The following STYXL1 variants were observed in gnomAD, a reference collection of about 807,000 sequenced individuals.
STYXL1 encodes the protein serine/threonine/tyrosine interacting like 1, also known as serine/threonine/tyrosine-interacting-like protein 1.
A neutral mutation model predicts 36.4 loss-of-function variants in STYXL1; 32 were observed. The ratio of observed to expected loss-of-function variants is 0.88; its 90% CI spans 0.66 to 1.18. STYXL1 has a LOEUF of 1.18. STYXL1 is among the 50% of genes most tolerant of loss of function. The pLI is 0.00. For synonymous variants in STYXL1, 133 were observed against 144.1 expected, an observed-to-expected ratio of 0.92 and a Z score of 0.55; for missense variants, 354 against 394.1, an observed-to-expected ratio of 0.90 and a Z score of 0.86.
chr7:76,008,811 G>A (rs1028719549), intron 5 of STYXL1, among the ~76,000 whole-genome samples: 5 of 152,086 alleles, frequency 3.3e-5, no homozygotes, highest in African/African-American at 9.7e-5. Flanking sequence ...TTCAAGACCA[G>A]CCTGGCCAAC....
chr7:76,000,820 C>T (rs1269273491), intron 8 of STYXL1, 70 bp downstream of exon 8: 21 of 1,412,026 alleles, frequency 1.5e-5, no homozygotes, highest in Admixed American at 3.4e-5. Context: ...CCCCACTCCT[C>T]CCAGGTTGCG....
intron 4 of STYXL1, among the ~76,000 whole-genome samples, chr7:76,019,695 G>T (rs185183534): frequency 2.6e-5 from 4 of 152,134 alleles, no homozygotes; most frequent in Admixed American, 2.6e-4. Flanking sequence ...ACCTATCTGA[G>T]AGATGGCATT....
chr7:76,025,378 G>T (rs62475307), intron 3 of STYXL1, among the ~76,000 whole-genome samples: 41,358 of 152,066 alleles, frequency 0.27, 6,029 homozygotes, highest in Middle Eastern at 0.45. Flanking sequence ...GCCCAGAGCA[G>T]GAGGTGCTGC....
chr7:76,044,531 G>A (rs1478686926), intron 1 of STYXL1: 1 of 152,074 alleles, frequency 6.6e-6, no homozygotes, highest in African/African-American at 2.4e-5. Flanking sequence ...CCTCTTCTGT[G>A]GAGATGAGGA....
intron 3 of STYXL1, among the ~76,000 whole-genome samples, chr7:76,024,439 C>T (rs1271039271): frequency 6.6e-6 from 1 of 151,652 alleles, no homozygotes; most frequent in African/African-American, 2.4e-5. Context: ...GGTAACATAG[C>T]GAGACCCCAT....
chr7:76,005,335 G>C lies in STYXL1; in HGVS notation c.523C>G (p.Gln175Glu). ...PGKVFVGNFS[Q>E]ACDPKIQKDL... Reference sequence around the variant, plus strand: ...TTCTGAATCTTGGGGTCACAGGCTTGACTGAAATTGCCAACGAAGACCTTC... The same window carrying C: ...TTCTGAATCTTGGGGTCACAGGCTTCACTGAAATTGCCAACGAAGACCTTC... The change falls in exon 6 of 9, where the codon CAA (glutamine) becomes GAA (glutamate). Residue 175 changes from glutamine to glutamate, a missense_variant. Coordinates refer to ENST00000359697, the MANE Select transcript of STYXL1 (RefSeq NM_001317785.2). The C allele has an allele frequency of 6.2e-7, 1 of 1,613,566 alleles. No individual in the cohort carries two copies.
intron 1 of STYXL1, 58 bp from the exon 2 acceptor site, chr7:76,030,585 C>G: frequency 4.0e-6 from 4 of 1,010,606 alleles, no homozygotes; most frequent in Non-Finnish European, 6.3e-6. Context: ...TGAATGACCA[C>G]AAAGTAATAT....
chr7:76,028,025 C>G (rs957900581), intron 3 of STYXL1, among the ~76,000 whole-genome samples: 1 of 151,924 alleles, frequency 6.6e-6, no homozygotes, highest in Non-Finnish European at 1.5e-5. Flanking sequence ...TAGGATTGCT[C>G]GAGCCCAGGA....
At chr7:76,019,927 CAAAAAAAA>C (rs58018497) in intron 4 of STYXL1, among the ~76,000 whole-genome samples, 1 of 82,346 alleles carries the variant, frequency 1.2e-5, no homozygotes, top group Non-Finnish European at 2.9e-5. Flanking sequence ...GACCCTGACT[CAAAAAAAA>C]AAAAAAAAAA....
intron 5 of STYXL1, among the ~76,000 whole-genome samples, chr7:76,008,072 G>C (rs782127303): frequency 6.6e-6 from 1 of 151,478 alleles, no homozygotes; most frequent in Non-Finnish European, 1.5e-5. Context: ...GACAGTGCAC[G>C]CCTGTAATCC....
rs782113765 is a variant in STYXL1 at position 76,001,012 on chromosome 7, G to C, written c.698-10C>G. ...AGGTGATGGTGAATTTCTGCAAAAAGAAGTGGGGGGTTGGGTCATGCCTGG... is the reference window on the plus strand; with the variant it reads ...AGGTGATGGTGAATTTCTGCAAAAACAAGTGGGGGGTTGGGTCATGCCTGG... On this transcript the variant is annotated splice_polypyrimidine_tract_variant and intron_variant, in intron 7 of 8. Coordinates refer to ENST00000359697, the MANE Select transcript of STYXL1 (RefSeq NM_001317785.2). 1 of 1,609,412 alleles carries C rather than the reference G, an allele frequency of 6.2e-7. No individual in the cohort carries two copies. The highest frequency in any genetic ancestry group is 2.2e-5 in the East Asian group (1 of 44,862).
intron 1 of STYXL1, chr7:76,044,494 A>C (rs985636472): frequency 3.3e-5 from 5 of 152,094 alleles, no homozygotes; most frequent in East Asian, 1.9e-4. Context: ...GGATGGCCCA[A>C]GTAGAAGGCT....
intron 1 of STYXL1, among the ~76,000 whole-genome samples, chr7:76,039,460 C>A (rs1796267044): frequency 6.6e-6 from 1 of 152,142 alleles, no homozygotes; most frequent in Non-Finnish European, 1.5e-5. Flanking sequence ...CTTGACAAAG[C>A]TGGGTAATAC....
chr7:76,041,588 G>A (rs183305762), intron 1 of STYXL1, among the ~76,000 whole-genome samples: 1 of 152,238 alleles, frequency 6.6e-6, no homozygotes, highest in East Asian at 1.9e-4. Flanking sequence ...CTAATTCCCT[G>A]TCTCCACCAC....
intron 4 of STYXL1, 35 bp downstream of exon 4, chr7:76,021,816 A>T: frequency 6.6e-7 from 1 of 1,508,882 alleles, no homozygotes; most frequent in Non-Finnish European, 9.2e-7. Flanking sequence ...AATAGCCGTT[A>T]ACTATTATTC....
chr7:76,043,742 G>A (rs1796704039), intron 1 of STYXL1, among the ~76,000 whole-genome samples: 1 of 152,198 alleles, frequency 6.6e-6, no homozygotes, highest in South Asian at 2.1e-4. Flanking sequence ...TGCCTCAGAA[G>A]CCATAGTTGG....
At chr7:76,045,973 G>C (rs1021143977) in intron 1 of STYXL1, 4 of 152,270 alleles carry the variant, frequency 2.6e-5, no homozygotes, top group Non-Finnish European at 5.9e-5. Flanking sequence ...ATAATTACCA[G>C]AAGATGCAGT....
chr7:75,999,041 G>A (rs1175089373), intron 8 of STYXL1: 6 of 154,332 alleles, frequency 3.9e-5, no homozygotes, highest in African/African-American at 1.4e-4. Context: ...GGGAGGCTGA[G>A]GCAGAAGAAT....
intron 5 of STYXL1, among the ~76,000 whole-genome samples, chr7:76,013,231 C>T (rs1792799527): frequency 6.7e-6 from 1 of 150,248 alleles, no homozygotes; most frequent in South Asian, 2.1e-4. Context: ...GAGGCCGAGG[C>T]AGGAGAATGG....
Sources: allele counts gnomAD v4.1 joint callset (sites outside exome capture counted in the v4.1 genomes callset), GRCh38; gene constraint gnomAD v4.1.1; transcripts MANE v1.5; gene names NCBI Gene and HGNC (gene_info 2026-07-23, HGNC 2026-07-21).